Variants in HMOX2 observed in about 807,000 individuals in gnomAD.
HMOX2 encodes the protein heme oxygenase (decycling) 2.
A neutral mutation model predicts 33.7 loss-of-function variants in HMOX2; 30 were observed. The observed-to-expected ratio is 0.89, with a 90% CI of 0.67 to 1.21. HMOX2 has a LOEUF of 1.21. Ranked by LOEUF, HMOX2 falls within the 50% of genes most tolerant of loss-of-function variation. HMOX2 has a pLI of 0.00. For missense variants in HMOX2, 403 were observed against 399.1 expected (o/e 1.01, Z -0.08); for synonymous variants, 155 against 155.0 (o/e 1.00, Z 0.00).
At chr16:4,498,720 A>T (rs2141583111) in intron 1 of HMOX2, among the ~76,000 whole-genome samples, 1 of 152,296 alleles carries the variant, frequency 6.6e-6, no homozygotes, top group Non-Finnish European at 1.5e-5. Context: ...TCTTCCGTTC[A>T]GTGAACCGTG....
chr16:4,505,675 T>C (rs1202203373), intron 2 of HMOX2, 65 bp downstream of exon 2: 11 of 1,175,196 alleles, frequency 9.4e-6, no homozygotes, highest in East Asian at 2.6e-5. Flanking sequence ...TCAGCACACC[T>C]GGTTTTGTCT....
intron 2 of HMOX2, 101 bp downstream of exon 2, chr16:4,505,711 G>A (rs1488072039): frequency 4.8e-6 from 4 of 836,790 alleles, no homozygotes; most frequent in Non-Finnish European, 7.6e-6. Flanking sequence ...GAGTGGCCAT[G>A]GGCCATGAGC....
rs906425106 is a variant in HMOX2 at position 4,492,863 on chromosome 16, C to T, written c.-41-12621C>T. ...ACCAGCCTGGGCAACATGGGAATAC[C>T]CTGGCTCTACTAAAAATACAAAAAT... On this transcript the variant is annotated intron_variant, in intron 1 of 5. Coordinates refer to ENST00000570646, the MANE Select transcript of HMOX2 (RefSeq NM_002134.4). 6.6e-5 allele frequency among the ~76,000 whole-genome samples: 10 copies of T among 152,206 alleles called. No individual in the cohort carries two copies. The East Asian group carries it at 1.9e-3, about 29-fold the overall frequency.
intron 3 of HMOX2, 42 bp downstream of exon 3, chr16:4,507,054 G>A (rs1489681058): frequency 1.5e-6 from 2 of 1,328,718 alleles, no homozygotes; most frequent in African/African-American, 1.4e-5. Flanking sequence ...ATATGGGGTT[G>A]GGGTGGGGGC....
At chr16:4,486,551 T>C (rs2058173490) in intron 1 of HMOX2, among the ~76,000 whole-genome samples, 1 of 152,122 alleles carries the variant, frequency 6.6e-6, no homozygotes, top group Non-Finnish European at 1.5e-5. Flanking sequence ...TTTTGGAAGG[T>C]CACGAACTTT....
intron 4 of HMOX2, 79 bp from the exon 5 acceptor site, chr16:4,509,333 T>C: frequency 6.5e-7 from 1 of 1,532,150 alleles, no homozygotes; most frequent in Non-Finnish European, 8.8e-7. Context: ...AACAGAGACC[T>C]CATCTCAAAA....
chr16:4,505,061 T>TG (rs1467051813), intron 1 of HMOX2, among the ~76,000 whole-genome samples: 1 of 152,226 alleles, frequency 6.6e-6, no homozygotes, highest in Non-Finnish European at 1.5e-5. Context: ...GCTAGGATTT[T>TG]GCCTTGTTTG....
chr16:4,479,527 C>G (rs1484949989), intron 1 of HMOX2: 1 of 151,984 alleles, frequency 6.6e-6, no homozygotes, highest in Non-Finnish European at 1.5e-5. Flanking sequence ...GTGTGTATGT[C>G]AGAAGCCAAC....
At chr16:4,498,106 G>A (rs1409964967) in intron 1 of HMOX2, among the ~76,000 whole-genome samples, 1 of 109,158 alleles carries the variant, frequency 9.2e-6, no homozygotes, top group Non-Finnish European at 1.7e-5. Flanking sequence ...TTGCTCTGTT[G>A]TGCAGGCTGG....
At chr16:4,493,147 C>G (rs992628184) in intron 1 of HMOX2, among the ~76,000 whole-genome samples, 5 of 152,146 alleles carry the variant, frequency 3.3e-5, no homozygotes, top group African/African-American at 1.2e-4. Flanking sequence ...GATCTTCCCA[C>G]CTAAGCCTCC....
chr16:4,508,556 A>G (rs9923062), intron 4 of HMOX2, among the ~76,000 whole-genome samples: 4,854 of 152,258 alleles, frequency 0.032, 263 homozygotes, highest in African/African-American at 0.11. Context: ...GCCCTGCTTT[A>G]TAAGTTAATA....
At chr16:4,505,087 A>G (rs1226928271) in intron 1 of HMOX2, among the ~76,000 whole-genome samples, 1 of 152,140 alleles carries the variant, frequency 6.6e-6, no homozygotes, top group African/African-American at 2.4e-5. Flanking sequence ...CTGACTTGCC[A>G]GTGTCCCCCA....
chr16:4,480,223 C>T (rs61660752), intron 1 of HMOX2, among the ~76,000 whole-genome samples: 17,319 of 149,662 alleles, frequency 0.12, 2,041 homozygotes, highest in African/African-American at 0.3. Flanking sequence ...AATTTTTGTA[C>T]TTTTGGTAGA....
intron 1 of HMOX2, among the ~76,000 whole-genome samples, chr16:4,479,896 G>T (rs916654198): frequency 1.3e-5 from 2 of 151,598 alleles, no homozygotes; most frequent in Admixed American, 6.6e-5. Context: ...ATGCCACCAT[G>T]CCTGGCTAAT....
intron 1 of HMOX2, among the ~76,000 whole-genome samples, chr16:4,502,491 C>G (rs1288332947): frequency 6.6e-6 from 1 of 152,090 alleles, no homozygotes; most frequent in African/African-American, 2.4e-5. Flanking sequence ...CCTGGGGTAC[C>G]TGGACCCTCA....
At chr16:4,488,404 G>A (rs1043033516) in intron 1 of HMOX2, among the ~76,000 whole-genome samples, 4 of 152,168 alleles carry the variant, frequency 2.6e-5, no homozygotes, top group African/African-American at 9.7e-5. Context: ...ACTTTAATGT[G>A]TATAGTTGTG....
chr16:4,505,448 T>G, intron 1 of HMOX2, 36 bp from the exon 2 acceptor site: 3 of 1,062,460 alleles, frequency 2.8e-6, no homozygotes, highest in Non-Finnish European at 4.1e-6. Context: ...GTGACTGCCG[T>G]GGGTGCCACA....
At chr16:4,507,617 T>G (rs2058726379) in intron 3 of HMOX2, 96 bp from the exon 4 acceptor site, 2 of 1,289,028 alleles carry the variant, frequency 1.6e-6, no homozygotes, top group Non-Finnish European at 2.2e-6. Flanking sequence ...TAGGATTGGG[T>G]CTTTGGGGTT....
At chr16:4,494,172 G>A (rs17883698) in intron 1 of HMOX2, among the ~76,000 whole-genome samples, 6,869 of 151,978 alleles carry the variant, frequency 0.045, 218 homozygotes, top group Non-Finnish European at 0.064. Context: ...AAAAATTAGC[G>A]GGGCGTGGTG....
Sources: allele counts gnomAD v4.1 joint callset (sites outside exome capture counted in the v4.1 genomes callset), GRCh38; gene constraint gnomAD v4.1.1; transcripts MANE v1.5; gene names NCBI Gene and HGNC (gene_info 2026-07-23, HGNC 2026-07-21).